Variants in FGD6 observed in about 807,000 individuals in gnomAD.
FGD6 encodes FYVE, RhoGEF and PH domain containing 6.
In FGD6, 90 loss-of-function variants were observed where a neutral mutation model predicts 149.4. That is an observed-to-expected ratio of 0.60 (90% confidence interval 0.51 to 0.72). FGD6 has a LOEUF of 0.72. FGD6 is among the 30% of genes least tolerant of loss of function. The pLI, the probability that FGD6 is intolerant of heterozygous loss-of-function variation, is 0.00. For missense variants in FGD6, 1,437 were observed against 1,684.8 expected, an observed-to-expected ratio of 0.85 and a Z score of 2.57; for synonymous variants, 527 against 584.0, an observed-to-expected ratio of 0.90 and a Z score of 1.41.
At chr12:95,153,912 C>CAT (rs1388233369) in intron 3 of FGD6, among the ~76,000 whole-genome samples, 1 of 141,318 alleles carries the variant, frequency 7.1e-6, no homozygotes, top group African/African-American at 2.7e-5. Flanking sequence ...AAATGAAATT[C>CAT]GTGTGTGTGT....
chr12:95,087,602 T>C (rs1485237443), intron 18 of FGD6, among the ~76,000 whole-genome samples: 2 of 152,190 alleles, frequency 1.3e-5, no homozygotes, highest in Non-Finnish European at 2.9e-5. Context: ...ACTTTGATTA[T>C]AGCCCTGCAG....
chr12:95,104,931 A>G (rs1667052253), intron 14 of FGD6, 76 bp downstream of exon 14: 2 of 1,412,622 alleles, frequency 1.4e-6, no homozygotes, highest in African/African-American at 1.5e-5. Flanking sequence ...CCAAAAACCA[A>G]AATTTTCCTG....
In FGD6 at chr12:95,076,947, CAT is replaced by C. The variant is rs751380470; in HGVS notation, c.*4571_*4572del. The C allele has an allele frequency of 6.6e-6, 1 of 151,754 alleles. No individual in the cohort carries two copies. The highest frequency in any genetic ancestry group is 6.6e-5 in the Admixed American group (1 of 15,224). The allele number at this position is 151,754 out of a possible 1,614,324, so 9.4% of individuals were successfully genotyped here. A position where few individuals can be genotyped will look rare whatever the true frequency, so the allele number is the denominator to read the frequency against. On this transcript the variant is annotated 3_prime_UTR_variant, in exon 21 of 21. Coordinates refer to ENST00000343958, the MANE Select transcript of FGD6 (RefSeq NM_018351.4). Reference sequence around the variant, plus strand: ...TGGTTCTTACATGCTATGACCAACTCATATGAAAGAGCAAGTTGCTCCCCCTT... The same window carrying C: ...TGGTTCTTACATGCTATGACCAACTCATGAAAGAGCAAGTTGCTCCCCCTT...
At chr12:95,156,267 T>C in intron 3 of FGD6, among the ~76,000 whole-genome samples, 1 of 152,130 alleles carries the variant, frequency 6.6e-6, no homozygotes, top group Non-Finnish European at 1.5e-5. Context: ...CAAAAGCAAA[T>C]GGGAGAAATA....
At chr12:95,202,000 AT>A (rs1565922866) in intron 2 of FGD6, among the ~76,000 whole-genome samples, 3 of 138,482 alleles carry the variant, frequency 2.2e-5, no homozygotes, top group Non-Finnish European at 3.1e-5. Context: ...ACACACACAC[AT>A]CTTCTTCTTC....
chr12:95,120,469 C>T (rs1477514551), intron 8 of FGD6, among the ~76,000 whole-genome samples: 1 of 151,796 alleles, frequency 6.6e-6, no homozygotes, highest in Admixed American at 6.6e-5. Flanking sequence ...GGTGGATCAC[C>T]TGAGGTCAGG....
At chr12:95,141,576 C>T (rs752922233) in intron 5 of FGD6, 37 bp from the exon 6 acceptor site, 2 of 1,608,804 alleles carry the variant, frequency 1.2e-6, no homozygotes, top group East Asian at 2.2e-5. Context: ...AATACACACA[C>T]ATGTAACTTG....
chr12:95,152,846 A>T lies in FGD6; in HGVS notation c.2655-5T>A. The T allele has an allele frequency of 6.2e-7, 1 of 1,613,670 alleles. No individual in the cohort carries two copies. The highest frequency in any genetic ancestry group is 8.5e-7 in the Non-Finnish European group (1 of 1,179,736). ...AGTTTTAACACATCCACAAACCTGT[A>T]AAAAACAACAATGAAAAAAATGTTT... On this transcript the variant is annotated splice_region_variant and splice_polypyrimidine_tract_variant and intron_variant, in intron 4 of 20. Transcript: ENST00000343958.
At position 95,210,841 on chromosome 12, in the gene FGD6, T is replaced by A. The variant is rs1345658465; in HGVS notation, c.443A>T (p.Asp148Val). The A allele has an allele frequency of 6.2e-7, 1 of 1,611,094 alleles. No homozygotes were observed. Among genetic ancestry groups the A allele is most frequent in the East Asian group, 2.2e-5 (1 of 44,890 alleles). The part of the protein sequence containing the change: ...MNENLENSKI[D>V]ETLTIKTRSK... Reference sequence around the variant, plus strand: ...CCTAGTTTTTATAGTCAAAGTCTCATCAATTTTACTGTTTTCTAAATTTTC... The same window carrying A: ...CCTAGTTTTTATAGTCAAAGTCTCAACAATTTTACTGTTTTCTAAATTTTC... The change falls in exon 2 of 21, where the codon GAT becomes GTT. Residue 148 changes from aspartate to valine, a missense_variant. Transcript: ENST00000343958.
chr12:95,123,266 C>T (rs1166328579), intron 8 of FGD6, among the ~76,000 whole-genome samples: 1 of 152,040 alleles, frequency 6.6e-6, no homozygotes, highest in Non-Finnish European at 1.5e-5. Flanking sequence ...TATGATGGCT[C>T]ATGTCTGTAA....
At chr12:95,139,932 C>T (rs1281433866) in intron 6 of FGD6, among the ~76,000 whole-genome samples, 2 of 152,082 alleles carry the variant, frequency 1.3e-5, no homozygotes, top group Non-Finnish European at 2.9e-5. Context: ...CCACCGTGCT[C>T]GGCCTATCAC....
At chr12:95,200,177 CA>C (rs56768916) in intron 2 of FGD6, among the ~76,000 whole-genome samples, 22,883 of 151,704 alleles carry the variant, frequency 0.15, 1,807 homozygotes, top group African/African-American at 0.18. Flanking sequence ...TAAATGTTAT[CA>C]AAAAAAACTG....
intron 3 of FGD6, among the ~76,000 whole-genome samples, chr12:95,158,028 A>C (rs1008721407): frequency 6.6e-6 from 1 of 151,386 alleles, no homozygotes; most frequent in African/African-American, 2.4e-5. Flanking sequence ...TTGTATTTTT[A>C]GTAGAGATTG....
intron 18 of FGD6, among the ~76,000 whole-genome samples, chr12:95,087,404 TAGG>T (rs1877915722): frequency 6.6e-6 from 1 of 152,136 alleles, no homozygotes. Context: ...CCTGTCTTGT[TAGG>T]AGACACTCTA....
intron 14 of FGD6, among the ~76,000 whole-genome samples, chr12:95,099,159 G>A (rs375770642): frequency 6.6e-6 from 1 of 152,344 alleles, no homozygotes; most frequent in Admixed American, 6.5e-5. Flanking sequence ...TTATAGGCGT[G>A]AGCCACTGCA....
intron 8 of FGD6, among the ~76,000 whole-genome samples, chr12:95,117,826 G>A (rs1181152631): frequency 1.3e-5 from 2 of 152,042 alleles, no homozygotes; most frequent in East Asian, 3.9e-4. Flanking sequence ...GGCGGATCAT[G>A]AGGTCAAGAG....
Position 95,152,976 on chromosome 12 carries a change from C to T in FGD6, c.2604G>A (p.Met868Ile), listed in dbSNP as rs764371550. 1.2e-5 allele frequency: 20 copies of T among 1,613,792 alleles called. No individual in the cohort carries two copies. The highest frequency in any genetic ancestry group is 1.5e-5 in the Non-Finnish European group (18 of 1,179,908). The change falls in exon 4 of 21, where the codon ATG becomes ATA. Residue 868 changes from methionine (M) to isoleucine (I), a missense_variant. Physicochemically the swap from Met to Ile is conservative, Grantham distance 10. Coordinates refer to ENST00000343958, the MANE Select transcript of FGD6 (RefSeq NM_018351.4). ...LEDKQDEDNG[M>I]KSKVHHIAKE... ...TGGCAATATGATGAACTTTACTTTT[C>T]ATTCCATTATCTTCATCCTGTGGAT...
At position 95,160,453 on chromosome 12, in the gene FGD6, G is replaced by A. The variant is rs185933344; in HGVS notation, c.2587-7460C>T. Among the ~76,000 whole-genome samples, 8 of 152,154 alleles carry A rather than the reference G, an allele frequency of 5.3e-5. No homozygotes were observed. The East Asian group carries it at 5.8e-4, about 11-fold the overall frequency. Reference sequence around the variant, plus strand: ...TGGGCATGGTAGCCCCTACTCATACGGTGTGAAAAATGAAAAATAGCTCAG... The same window carrying A: ...TGGGCATGGTAGCCCCTACTCATACAGTGTGAAAAATGAAAAATAGCTCAG... On this transcript the variant is annotated intron_variant, in intron 3 of 20. Transcript: ENST00000343958.
intron 2 of FGD6, among the ~76,000 whole-genome samples, chr12:95,191,941 T>C (rs1345475130): frequency 6.6e-6 from 1 of 152,160 alleles, no homozygotes; most frequent in African/African-American, 2.4e-5. Flanking sequence ...TTTCACCATA[T>C]TGGCCAGGCT....
Sources: gnomAD v4.1 joint callset for allele counts (sites outside exome capture counted in the v4.1 genomes callset) on GRCh38, gnomAD v4.1.1 for gene constraint, MANE v1.5 for transcripts, NCBI Gene and HGNC (gene_info 2026-07-23, HGNC 2026-07-21) for gene names.